Variants in PTPRG observed in about 807,000 individuals in gnomAD.
PTPRG encodes the protein protein tyrosine phosphatase receptor type G.
Under a neutral mutation model 165.3 loss-of-function variants are expected in PTPRG, and 102 were observed. That is an observed-to-expected ratio of 0.62 (90% confidence interval 0.53 to 0.73). The LOEUF is 0.73. Ranked by LOEUF, PTPRG falls within the 30% of genes least tolerant of loss-of-function variation. The probability of loss-of-function intolerance (pLI) is 0.00; values close to 1 mark genes in which losing one functional copy is unlikely to be tolerated. For synonymous variants in PTPRG, 675 were observed against 669.5 expected (o/e 1.01, Z -0.13); for missense variants, 1,866 against 1,861.4 (o/e 1.00, Z -0.05).
At chr3:61,642,469 C>G (rs1210266115) in intron 1 of PTPRG, among the ~76,000 whole-genome samples, 1 of 152,126 alleles carries the variant, frequency 6.6e-6, no homozygotes, top group Non-Finnish European at 1.5e-5. Flanking sequence ...GAAGAGTGAT[C>G]TGGTTCTACA....
intron 8 of PTPRG, among the ~76,000 whole-genome samples, chr3:62,184,311 C>T (rs568778203): frequency 2.0e-4 from 31 of 152,230 alleles, no homozygotes; most frequent in African/African-American, 7.0e-4. Context: ...TTCCTTCCTC[C>T]GTGTGGTTTG....
intron 4 of PTPRG, among the ~76,000 whole-genome samples, chr3:62,046,625 T>C (rs909745395): frequency 2.1e-4 from 32 of 152,176 alleles, no homozygotes; most frequent in African/African-American, 7.7e-4. Flanking sequence ...CTGCATTTAG[T>C]CTGGGGGACT....
intron 4 of PTPRG, among the ~76,000 whole-genome samples, chr3:62,032,264 C>T (rs1436289542): frequency 6.6e-6 from 1 of 152,156 alleles, no homozygotes; most frequent in Non-Finnish European, 1.5e-5. Flanking sequence ...TCAAAAGTGC[C>T]ACCTATTCCC....
At chr3:61,920,091 G>A (rs1052186543) in intron 2 of PTPRG, among the ~76,000 whole-genome samples, 1 of 152,190 alleles carries the variant, frequency 6.6e-6, no homozygotes, top group African/African-American at 2.4e-5. Context: ...CCTGGTTGAG[G>A]TGTTTTTCTC....
At chr3:61,834,774 C>G (rs1250858961) in intron 2 of PTPRG, among the ~76,000 whole-genome samples, 14 of 152,056 alleles carry the variant, frequency 9.2e-5, no homozygotes, top group Non-Finnish European at 2.9e-5. Context: ...GATCGTGCCA[C>G]TGCACTCCAG....
intron 5 of PTPRG, among the ~76,000 whole-genome samples, chr3:62,092,777 A>G (rs1171237371): frequency 6.6e-6 from 1 of 152,214 alleles, no homozygotes; most frequent in African/African-American, 2.4e-5. Flanking sequence ...GTAAGTCCTC[A>G]GTAAATACTA....
intron 4 of PTPRG, among the ~76,000 whole-genome samples, chr3:62,021,128 G>C (rs762032226): frequency 5.1e-4 from 71 of 138,034 alleles, no homozygotes; most frequent in Middle Eastern, 7.9e-3. Flanking sequence ...ATACCTGCGT[G>C]ATAAGAGTTT....
At chr3:61,710,812 T>C (rs558406489) in intron 1 of PTPRG, among the ~76,000 whole-genome samples, 7 of 152,238 alleles carry the variant, frequency 4.6e-5, no homozygotes, top group African/African-American at 1.7e-4. Flanking sequence ...GGGATACATG[T>C]GCAGAAAGTG....
chr3:61,913,740 C>T (rs17065606), intron 2 of PTPRG, among the ~76,000 whole-genome samples: 2,760 of 152,298 alleles, frequency 0.018, 69 homozygotes, highest in African/African-American at 0.062. Context: ...ATATTCCTTA[C>T]TAAGTCTGCA....
At chr3:62,243,113 G>C (rs1052152590) in intron 14 of PTPRG, among the ~76,000 whole-genome samples, 4 of 152,094 alleles carry the variant, frequency 2.6e-5, no homozygotes, top group Non-Finnish European at 5.9e-5. Context: ...CGGAGGCAGA[G>C]GCTGAGTGAG....
intron 2 of PTPRG, among the ~76,000 whole-genome samples, chr3:61,831,563 A>C (rs956561127): frequency 4.0e-5 from 6 of 151,692 alleles, no homozygotes; most frequent in African/African-American, 1.5e-4. Flanking sequence ...GCCACCATTC[A>C]TTCATTCTGT....
Position 61,612,785 on chromosome 3 carries a change from G to T in PTPRG, c.85+50413G>T, listed in dbSNP as rs570501300. On this transcript the variant is annotated intron_variant, in intron 1 of 29. Coordinates refer to ENST00000474889, the MANE Select transcript of PTPRG (RefSeq NM_002841.4). ...TTGCCAGGTTGTAAATCATGTGAGA[G>T]AATTTGATGATATCAGCTTCGGGGG... Among the ~76,000 whole-genome samples the T allele has an allele frequency of 4.9e-4, 75 of 152,086 alleles. 5 individuals are homozygous for T. In the South Asian group the frequency reaches 0.016, roughly 32 times the overall value.
chr3:61,858,481 T>A (rs1163258191), intron 2 of PTPRG, among the ~76,000 whole-genome samples: 1 of 152,212 alleles, frequency 6.6e-6, no homozygotes, highest in Non-Finnish European at 1.5e-5. Context: ...AATATAGTAT[T>A]TATAATAGAG....
At chr3:61,609,960 A>G (rs772155863) in intron 1 of PTPRG, among the ~76,000 whole-genome samples, 1 of 151,518 alleles carries the variant, frequency 6.6e-6, no homozygotes, top group East Asian at 1.9e-4. Flanking sequence ...CCTTCTATTA[A>G]TAATGCAGAT....
chr3:61,807,118 A>G (rs1256131979), intron 2 of PTPRG, among the ~76,000 whole-genome samples: 1 of 152,232 alleles, frequency 6.6e-6, no homozygotes, highest in Non-Finnish European at 1.5e-5. Context: ...AATTCCTATT[A>G]AAATGAATTG....
At chr3:61,609,247 G>C (rs1701098279) in intron 1 of PTPRG, among the ~76,000 whole-genome samples, 2 of 152,174 alleles carry the variant, frequency 1.3e-5, no homozygotes, top group African/African-American at 4.8e-5. Context: ...AGTTATGTAT[G>C]TAAAGTGATG....
intron 13 of PTPRG, 21 bp from the exon 14 acceptor site, chr3:62,231,204 T>C: frequency 6.6e-7 from 1 of 1,522,594 alleles, no homozygotes; most frequent in South Asian, 1.3e-5. Context: ...ACCTGTTCTC[T>C]TTTGTTTTTT....
intron 1 of PTPRG, among the ~76,000 whole-genome samples, chr3:61,604,104 G>A (rs1347157580): frequency 2.0e-5 from 3 of 152,142 alleles, no homozygotes; most frequent in South Asian, 4.1e-4. Flanking sequence ...GTGGCAGATC[G>A]CTTGAGGCTA....
chr3:61,905,947 A>C (rs1347277607), intron 2 of PTPRG, among the ~76,000 whole-genome samples: 1 of 152,196 alleles, frequency 6.6e-6, no homozygotes, highest in Admixed American at 6.5e-5. Context: ...TTAGGAGAAA[A>C]TATTCTCTTA....
Sources: allele counts gnomAD v4.1 joint callset (sites outside exome capture counted in the v4.1 genomes callset), GRCh38; gene constraint gnomAD v4.1.1; transcripts MANE v1.5; gene names NCBI Gene and HGNC (gene_info 2026-07-23, HGNC 2026-07-21).